Variants in TNIK observed in about 807,000 individuals in gnomAD.
The protein encoded by TNIK is TRAF2 and NCK interacting kinase, also known as TRAF2 and NCK-interacting protein kinase.
A neutral mutation model predicts 191.3 loss-of-function variants in TNIK; 49 were observed. That is an observed-to-expected ratio of 0.26 (90% CI 0.20 to 0.32). The LOEUF is 0.32. TNIK is among the 10% of genes least tolerant of loss of function. The pLI is 1.00. For synonymous variants in TNIK, 594 were observed against 600.9 expected (o/e 0.99, Z 0.17); for missense variants, 1,155 against 1,702.3 (o/e 0.68, Z 5.66).
At chr3:171,186,983 T>C (rs1222090938) in intron 7 of TNIK, among the ~76,000 whole-genome samples, 2 of 152,198 alleles carry the variant, frequency 1.3e-5, no homozygotes, top group Admixed American at 1.3e-4. Context: ...AACAAGTCAG[T>C]TGTAGGCACC....
chr3:171,252,702 A>G (rs1445020674), intron 2 of TNIK, among the ~76,000 whole-genome samples: 1 of 152,220 alleles, frequency 6.6e-6, no homozygotes, highest in African/African-American at 2.4e-5. Context: ...ACTTTGATAT[A>G]AGAAATCAGC....
chr3:171,101,771 T>A, intron 21 of TNIK, 138 bp from the exon 22 acceptor site: 3 of 755,366 alleles, frequency 4.0e-6, no homozygotes, highest in Non-Finnish European at 6.3e-6. Flanking sequence ...AGTTACTGCA[T>A]GGAACTAAGA....
At position 171,455,328 on chromosome 3, in the gene TNIK, C is replaced by T. The variant is rs1033196009; in HGVS notation, c.57+4679G>A. Among the ~76,000 whole-genome samples the T allele has an allele frequency of 9.9e-5, 15 of 151,872 alleles. 1 individual carries two copies. Among genetic ancestry groups the T allele is most frequent in the Admixed American group, 2.0e-4 (3 of 15,250 alleles). On this transcript the variant is annotated intron_variant, in intron 1 of 32. Coordinates refer to ENST00000436636, the MANE Select transcript of TNIK (RefSeq NM_015028.4). Reference sequence around the variant, plus strand: ...GAGTGCCGTGACACAATCACAGCCTCGACTTCTCAGGCTCAAACTATCTTC... The same window carrying T: ...GAGTGCCGTGACACAATCACAGCCTTGACTTCTCAGGCTCAAACTATCTTC...
At chr3:171,205,081 C>G (rs978430741) in intron 4 of TNIK, among the ~76,000 whole-genome samples, 3 of 152,164 alleles carry the variant, frequency 2.0e-5, no homozygotes, top group African/African-American at 7.2e-5. Context: ...ATATTTCCTA[C>G]CATTGTTCTT....
intron 1 of TNIK, among the ~76,000 whole-genome samples, chr3:171,406,538 T>C (rs1438119976): frequency 1.3e-5 from 2 of 152,156 alleles, no homozygotes; most frequent in African/African-American, 4.8e-5. Context: ...CAAGCCATCC[T>C]CCTGCCTCAG....
At position 171,087,194 on chromosome 3, in the gene TNIK, T is replaced by C. The variant is rs980082386; in HGVS notation, c.2886+148A>G. ...TGCTCTGCTTCCATGATTTCTCTAT[T>C]TGAGTATCTGCATAAGTAGCTCTAT... On this transcript the variant is annotated intron_variant, in intron 24 of 32. Coordinates refer to ENST00000436636, the MANE Select transcript of TNIK (RefSeq NM_015028.4). The C allele has an allele frequency of 3.6e-6, 4 of 1,108,556 alleles. No individual in the cohort carries two copies. In the African/African-American group the frequency reaches 6.3e-5, roughly 17 times the overall value. 68.7% of individuals were successfully genotyped at this position (1,108,556 alleles called of 1,614,324 possible). A position where few individuals can be genotyped will look rare whatever the true frequency, so the allele number is the denominator to read the frequency against.
chr3:171,263,630 T>A (rs1747964340), intron 2 of TNIK, among the ~76,000 whole-genome samples: 1 of 152,106 alleles, frequency 6.6e-6, no homozygotes, highest in Non-Finnish European at 1.5e-5. Flanking sequence ...AATTTTTCCT[T>A]TAGGAAAAAT....
intron 2 of TNIK, among the ~76,000 whole-genome samples, chr3:171,279,440 T>C (rs2109244106): frequency 6.6e-6 from 1 of 152,312 alleles, no homozygotes; most frequent in Non-Finnish European, 1.5e-5. Context: ...GGACTTATAC[T>C]TTTTTAGGAT....
intron 17 of TNIK, among the ~76,000 whole-genome samples, chr3:171,124,279 C>A (rs1366065525): frequency 6.6e-6 from 1 of 152,156 alleles, no homozygotes; most frequent in East Asian, 1.9e-4. Flanking sequence ...CAATTACCTA[C>A]TAAAACCAAA....
chr3:171,138,293 G>A lies in TNIK; in HGVS notation c.1506C>T (p.Ser502=). The A allele has an allele frequency of 6.2e-7, 1 of 1,613,434 alleles. No individual in the cohort carries two copies. The highest frequency in any genetic ancestry group is 1.6e-4 in the Middle Eastern group (1 of 6,062). ...TCTGCTCCTGCCGCTGATGCTGAAGGGAAACTAAGTAGTCTCTTTCTTGCT... is the reference window on the plus strand; with the variant it reads ...TCTGCTCCTGCCGCTGATGCTGAAGAGAAACTAAGTAGTCTCTTTCTTGCT... ...QLKQERDYLV[S]LQHQRQEQRP... Residue 502 remains serine (S), a synonymous_variant, in exon 15 of 33, where the codon TCC becomes TCT. Transcript: ENST00000436636.
At chr3:171,248,300 G>A (rs563783474) in intron 2 of TNIK, among the ~76,000 whole-genome samples, 1 of 152,250 alleles carries the variant, frequency 6.6e-6, no homozygotes, top group South Asian at 2.1e-4. Context: ...CTATTCCAGG[G>A]AAAACAGGAG....
chr3:171,373,550 T>G (rs574007594), intron 1 of TNIK, among the ~76,000 whole-genome samples: 2 of 152,320 alleles, frequency 1.3e-5, no homozygotes, highest in South Asian at 4.1e-4. Flanking sequence ...TTCTTCCTTC[T>G]AAGCTATTCT....
At chr3:171,447,907 TA>T (rs1472462137) in intron 1 of TNIK, among the ~76,000 whole-genome samples, 1 of 152,206 alleles carries the variant, frequency 6.6e-6, no homozygotes, top group Non-Finnish European at 1.5e-5. Context: ...CTAAGCAGTC[TA>T]AAAACATGAT....
chr3:171,453,888 C>G (rs558351286), intron 1 of TNIK, among the ~76,000 whole-genome samples: 12 of 152,200 alleles, frequency 7.9e-5, no homozygotes, highest in African/African-American at 2.9e-4. Context: ...TCATGTTTCT[C>G]TAAAGGGAAA....
chr3:171,247,491 AG>A (rs541225140), intron 2 of TNIK, among the ~76,000 whole-genome samples: 5 of 152,216 alleles, frequency 3.3e-5, no homozygotes, highest in Non-Finnish European at 7.3e-5. Flanking sequence ...GAAAACATGA[AG>A]AAGGCAGGAA....
At chr3:171,252,768 A>G (rs1006101196) in intron 2 of TNIK, among the ~76,000 whole-genome samples, 8 of 152,138 alleles carry the variant, frequency 5.3e-5, no homozygotes, top group African/African-American at 1.9e-4. Context: ...TTGTAAGAAA[A>G]TCATGGGGTA....
intron 1 of TNIK, among the ~76,000 whole-genome samples, chr3:171,390,220 A>G (rs969782805): frequency 6.6e-6 from 1 of 152,174 alleles, no homozygotes; most frequent in South Asian, 2.1e-4. Context: ...GTGCAAGTGC[A>G]TGATCAGCCA....
rs1750003253 is a variant in TNIK, at chr3:171,278,217, C to T, written c.124-49996G>A. ...GCACAAGATCCCTCTCTCCCTTTCA[C>T]AATAATGGAAAAAGTCTGTCATGAG... On this transcript the variant is annotated intron_variant, in intron 2 of 32. Transcript: ENST00000436636. 2.0e-5 allele frequency among the ~76,000 whole-genome samples: 3 copies of T among 152,154 alleles called. No individual in the cohort carries two copies. The South Asian group carries it at 6.2e-4, about 32-fold the overall frequency.
intron 18 of TNIK, among the ~76,000 whole-genome samples, chr3:171,115,748 G>A (rs1388787818): frequency 1.3e-5 from 2 of 152,200 alleles, no homozygotes; most frequent in Admixed American, 1.3e-4. Flanking sequence ...AAGCCTAGAG[G>A]AGAATGTGTA....
Sources: gnomAD v4.1 joint callset for allele counts (sites outside exome capture counted in the v4.1 genomes callset) on GRCh38, gnomAD v4.1.1 for gene constraint, MANE v1.5 for transcripts, NCBI Gene and HGNC (gene_info 2026-07-23, HGNC 2026-07-21) for gene names.